The following ERC2 variants were observed in gnomAD, a reference collection of about 807,000 sequenced individuals.
ERC2 encodes the protein ERC protein 2.
In ERC2, 42 loss-of-function variants were observed where a neutral mutation model predicts 114.8. The observed-to-expected ratio is 0.37, with a 90% confidence interval of 0.29 to 0.47. The LOEUF is 0.47. ERC2 is among the 20% of genes least tolerant of loss of function. ERC2 has a pLI of 0.99. For missense variants in ERC2, 939 were observed against 1,150.7 expected, an observed-to-expected ratio of 0.82 and a Z score of 2.66; for synonymous variants, 454 against 425.5, an observed-to-expected ratio of 1.07 and a Z score of -0.82.
intron 2 of ERC2, among the ~76,000 whole-genome samples, chr3:56,418,065 T>C (rs2061237165): frequency 6.6e-6 from 1 of 151,980 alleles, no homozygotes; most frequent in African/African-American, 2.4e-5. Flanking sequence ...GGCAGGAGGA[T>C]CATTTGAGGC....
rs150820809 is a variant in ERC2 at position 55,823,679 on chromosome 3, C to G, written c.2564+64710G>C. 3.0e-3 allele frequency among the ~76,000 whole-genome samples: 451 copies of G among 152,288 alleles called. 4 individuals carry two copies. The highest frequency in any genetic ancestry group is 0.01 in the African/African-American group (429 of 41,558). On this transcript the variant is annotated intron_variant, in intron 14 of 17. Transcript: ENST00000288221. Reference sequence around the variant, plus strand: ...GAGGGGACACAGGGTATGGCAGATACTATAACATACTACTTACTAAACTCA... The same window carrying G: ...GAGGGGACACAGGGTATGGCAGATAGTATAACATACTACTTACTAAACTCA...
intron 17 of ERC2, among the ~76,000 whole-genome samples, chr3:55,544,230 C>T (rs1420978610): frequency 6.6e-6 from 1 of 152,186 alleles, no homozygotes; most frequent in Non-Finnish European, 1.5e-5. Context: ...GAGTTATACT[C>T]CTCCTTGAGC....
chr3:56,388,273 C>T (rs185822300), intron 2 of ERC2, among the ~76,000 whole-genome samples: 2 of 152,202 alleles, frequency 1.3e-5, no homozygotes, highest in East Asian at 3.9e-4. Flanking sequence ...TGTCTTGGTG[C>T]CATTCTCCGG....
chr3:56,380,790 T>C (rs1285480936), intron 2 of ERC2, among the ~76,000 whole-genome samples: 1 of 152,228 alleles, frequency 6.6e-6, no homozygotes, highest in Admixed American at 6.5e-5. Flanking sequence ...GTTCTTGAAA[T>C]ATCAAACACA....
chr3:55,678,456 G>T (rs2061913476), intron 17 of ERC2, among the ~76,000 whole-genome samples: 1 of 152,060 alleles, frequency 6.6e-6, no homozygotes, highest in South Asian at 2.1e-4. Context: ...TAGTCCCTAG[G>T]TCCCTTTCAA....
chr3:55,635,689 C>T (rs182861307), intron 17 of ERC2, among the ~76,000 whole-genome samples: 3 of 152,124 alleles, frequency 2.0e-5, no homozygotes, highest in African/African-American at 4.8e-5. Flanking sequence ...CTGCGCCCAG[C>T]CTCAGATGAT....
At chr3:55,772,798 G>C (rs1440192501) in intron 14 of ERC2, among the ~76,000 whole-genome samples, 3 of 152,056 alleles carry the variant, frequency 2.0e-5, no homozygotes, top group East Asian at 1.9e-4. Flanking sequence ...CTTAGCTAAG[G>C]GTAATTCTAT....
chr3:56,393,477 C>T (rs988624721), intron 2 of ERC2, among the ~76,000 whole-genome samples: 8 of 152,164 alleles, frequency 5.3e-5, no homozygotes, highest in African/African-American at 9.7e-5. Context: ...CTAGTTATGG[C>T]CCCATTACAT....
rs78696126 is a variant in ERC2, at chr3:55,922,586, T to C, written c.2403+27839A>G. Reference sequence around the variant, plus strand: ...CAGTTGCTTCAAAACATCCCCATTTTACTTAGAATCTTTTTCCTCTCAGAT... The same window carrying C: ...CAGTTGCTTCAAAACATCCCCATTTCACTTAGAATCTTTTTCCTCTCAGAT... On this transcript the variant is annotated intron_variant, in intron 13 of 17. Transcript: ENST00000288221. Among the ~76,000 whole-genome samples, 208 of 152,226 alleles carry C rather than the reference T, an allele frequency of 1.4e-3. 1 individual carries two copies. The highest frequency in any genetic ancestry group is 4.7e-3 in the African/African-American group (195 of 41,546).
intron 15 of ERC2, among the ~76,000 whole-genome samples, chr3:55,732,571 C>G (rs189715235): frequency 4.5e-4 from 68 of 152,278 alleles, no homozygotes; most frequent in Non-Finnish European, 7.6e-4. Context: ...TCAATCCTTA[C>G]TGGAATCAAG....
intron 2 of ERC2, among the ~76,000 whole-genome samples, chr3:56,311,247 CTCTCTCTCTATATA>C (rs2056540575): frequency 2.9e-5 from 1 of 34,710 alleles, no homozygotes; most frequent in African/African-American, 8.6e-5. Context: ...CTCTCTCTCT[CTCTCTCTCTATATA>C]TATATATATA....
chr3:55,695,531 T>C (rs2062882252), intron 16 of ERC2, among the ~76,000 whole-genome samples: 1 of 152,218 alleles, frequency 6.6e-6, no homozygotes, highest in Admixed American at 6.5e-5. Context: ...GGGCTGTGTA[T>C]TTATGACTAT....
At chr3:55,894,670 A>G (rs1308376565) in intron 13 of ERC2, among the ~76,000 whole-genome samples, 1 of 152,240 alleles carries the variant, frequency 6.6e-6, no homozygotes, top group African/African-American at 2.4e-5. Context: ...TCCTACACGA[A>G]CTAACTCAGA....
chr3:56,051,426 G>A (rs1560091482), intron 7 of ERC2, among the ~76,000 whole-genome samples: 2 of 152,114 alleles, frequency 1.3e-5, no homozygotes, highest in Non-Finnish European at 2.9e-5. Flanking sequence ...AAAAGGGGGT[G>A]GGAGTGCAGA....
At position 55,729,694 on chromosome 3, in the gene ERC2, T is replaced by C. The variant is rs900913028; in HGVS notation, c.2712+5077A>G. Among the ~76,000 whole-genome samples, 37 of 151,454 alleles carry C rather than the reference T, an allele frequency of 2.4e-4. 2 individuals carry two copies. The highest frequency in any genetic ancestry group is 2.1e-4 in the South Asian group (1 of 4,754). On this transcript the variant is annotated intron_variant, in intron 15 of 17. Coordinates refer to ENST00000288221, the MANE Select transcript of ERC2 (RefSeq NM_015576.3). Reference sequence around the variant, plus strand: ...TCTAAAAAATAATAATAAAACAAGCTAGGCATGGTTGTGCACAGCTGTAGT... The same window carrying C: ...TCTAAAAAATAATAATAAAACAAGCCAGGCATGGTTGTGCACAGCTGTAGT...
chr3:56,115,455 C>T (rs954896415), intron 6 of ERC2, among the ~76,000 whole-genome samples: 1 of 152,076 alleles, frequency 6.6e-6, no homozygotes, highest in Non-Finnish European at 1.5e-5. Flanking sequence ...TTAACATAAA[C>T]TCAGGTGTAG....
intron 15 of ERC2, among the ~76,000 whole-genome samples, chr3:55,712,382 A>C (rs1226621084): frequency 6.6e-6 from 1 of 152,152 alleles, no homozygotes; most frequent in Non-Finnish European, 1.5e-5. Context: ...AGAAGAGAAA[A>C]GGGGGGAAAG....
chr3:56,364,263 G>A (rs2059069960), intron 2 of ERC2, among the ~76,000 whole-genome samples: 1 of 152,196 alleles, frequency 6.6e-6, no homozygotes, highest in Admixed American at 6.5e-5. Flanking sequence ...CTATTGCTAA[G>A]TGGTTAGAGA....
intron 14 of ERC2, among the ~76,000 whole-genome samples, chr3:55,860,704 A>G (rs73834033): frequency 0.017 from 2,537 of 152,322 alleles, 72 homozygotes; most frequent in African/African-American, 0.058. Context: ...AGCTTTGAGT[A>G]GGAATTGCTG....
Sources: allele counts gnomAD v4.1 joint callset (sites outside exome capture counted in the v4.1 genomes callset), GRCh38; gene constraint gnomAD v4.1.1; transcripts MANE v1.5; gene names NCBI Gene and HGNC (gene_info 2026-07-23, HGNC 2026-07-21).